The following PRKCZ variants were observed in gnomAD, a reference collection of about 807,000 sequenced individuals.
PRKCZ encodes protein kinase C zeta.
In PRKCZ, 33 loss-of-function variants were observed where a neutral mutation model predicts 79.5. The ratio of observed to expected loss-of-function variants is 0.41; its 90% CI spans 0.31 to 0.55. The LOEUF is 0.55. Among genes scored for constraint, PRKCZ ranks in the 20% least tolerant of loss-of-function variants. PRKCZ has a pLI of 0.19. For synonymous variants in PRKCZ, 342 were observed against 320.9 expected (o/e 1.07, Z -0.70); for missense variants, 578 against 813.5 (o/e 0.71, Z 3.52).
chr1:2,091,434 C>T (rs1665482414), intron 4 of PRKCZ, among the ~76,000 whole-genome samples: 1 of 152,218 alleles, frequency 6.6e-6, no homozygotes, highest in Non-Finnish European at 1.5e-5. Flanking sequence ...TCATGCTGCA[C>T]AGCCAATCTC....
upstream of PRKCZ, chr1:2,050,321 C>T (rs1184469898): frequency 2.5e-5 from 4 of 158,476 alleles, no homozygotes; most frequent in Non-Finnish European, 4.1e-5. Context: ...GTGGCGGCCC[C>T]GCCTCGCCCT....
intron 4 of PRKCZ, among the ~76,000 whole-genome samples, chr1:2,103,149 G>A (rs992884331): frequency 6.6e-6 from 1 of 152,076 alleles, no homozygotes; most frequent in African/African-American, 2.4e-5. Flanking sequence ...CACCACGCCG[G>A]GCTAGACTGT....
chr1:2,102,993 C>T (rs2102607416), intron 4 of PRKCZ, among the ~76,000 whole-genome samples: 2 of 152,276 alleles, frequency 1.3e-5, no homozygotes, highest in South Asian at 4.1e-4. Flanking sequence ...CCTCAGCCTC[C>T]CAACTAGCTG....
At chr1:2,069,727 G>C (rs1661412662) in intron 4 of PRKCZ, among the ~76,000 whole-genome samples, 1 of 152,198 alleles carries the variant, frequency 6.6e-6, no homozygotes, top group African/African-American at 2.4e-5. Context: ...GGCTCCAGGG[G>C]CTTCCTGTTT....
intron 4 of PRKCZ, chr1:2,074,022 G>A (rs1011393214): frequency 5.3e-5 from 76 of 1,433,336 alleles, no homozygotes; most frequent in Non-Finnish European, 6.6e-5. Flanking sequence ...GACGGTGCCC[G>A]AGTCAGCATT....
At chr1:2,122,153 C>CATG (rs1260087702) in intron 4 of PRKCZ, among the ~76,000 whole-genome samples, 54 of 1,092 alleles carry the variant, frequency 0.049, 6 homozygotes, top group East Asian at 0.3. Context: ...TGGTTAGGGT[C>CATG]GTGGTGGTTA....
chr1:2,175,345 A>G, intron 16 of PRKCZ, 32 bp downstream of exon 16: 4 of 1,524,342 alleles, frequency 2.6e-6, no homozygotes, highest in Non-Finnish European at 3.6e-6. Flanking sequence ...TTGCACCCCC[A>G]TCCCCATCCC....
intron 4 of PRKCZ, among the ~76,000 whole-genome samples, chr1:2,119,803 T>C (rs1367537635): frequency 6.6e-6 from 1 of 150,774 alleles, no homozygotes. Flanking sequence ...TTTTTTTTTT[T>C]GAGATGGATT....
chr1:2,078,487 T>C (rs959788999), intron 4 of PRKCZ, among the ~76,000 whole-genome samples: 2 of 152,234 alleles, frequency 1.3e-5, no homozygotes, highest in Admixed American at 6.5e-5. Flanking sequence ...GTAGAATCTT[T>C]TGTCTTCAGG....
chr1:2,113,309 T>C lies in PRKCZ; in HGVS notation c.335-21953T>C, dbSNP rs938713547. ...GCCTTCAGCAGTGATTTGTGGTGAC[T>C]GTGACGTTCTCTTCGGTGGGCTGCC... is the stretch of plus-strand genomic sequence containing the variant. On this transcript the variant is annotated intron_variant, in intron 4 of 17. Coordinates refer to ENST00000378567, the MANE Select transcript of PRKCZ (RefSeq NM_002744.6). Among the ~76,000 whole-genome samples, 4 of 152,258 alleles carry C rather than the reference T, an allele frequency of 2.6e-5. No individual in the cohort carries two copies. The South Asian group carries it at 8.3e-4, about 32-fold the overall frequency.
At chr1:2,154,080 G>A (rs898700896) in intron 9 of PRKCZ, among the ~76,000 whole-genome samples, 2 of 152,176 alleles carry the variant, frequency 1.3e-5, no homozygotes, top group African/African-American at 2.4e-5. Context: ...CAACGCCGAC[G>A]TCCCTGCGGG....
chr1:2,126,672 G>A (rs1225218097), intron 4 of PRKCZ, among the ~76,000 whole-genome samples: 1 of 152,228 alleles, frequency 6.6e-6, no homozygotes, highest in Non-Finnish European at 1.5e-5. Flanking sequence ...AGCGGCCACA[G>A]CCTGTGGTTG....
In PRKCZ at chr1:2,082,781, C is replaced by T. The variant is rs936955970; in HGVS notation, c.334+23190C>T. 6.6e-6 allele frequency among the ~76,000 whole-genome samples: 1 copy of T among 151,966 alleles called. No homozygotes were observed. The highest frequency in any genetic ancestry group is 2.4e-5 in the African/African-American group (1 of 41,364). ...CGTCCGGGGGTGGCTTTGAGGACACCTGTCCTCCTTCACAGGGGCACTCCG... is the reference window on the plus strand; with the variant it reads ...CGTCCGGGGGTGGCTTTGAGGACACTTGTCCTCCTTCACAGGGGCACTCCG... On this transcript the variant is annotated intron_variant, in intron 4 of 17. Transcript: ENST00000378567. This position sits in a 1 kb window ranked among gnomAD's most constrained non-coding sequence, Gnocchi z 4.4.
In PRKCZ at chr1:2,127,703, C is replaced by T. The variant is rs535355190; in HGVS notation, c.335-7559C>T. ...GGCGAACGGCGTCTCCCGCGGCTCCCGGTGGCTTTTTAGGACTCTGCGTTC... is the reference window on the plus strand; with the variant it reads ...GGCGAACGGCGTCTCCCGCGGCTCCTGGTGGCTTTTTAGGACTCTGCGTTC... On this transcript the variant is annotated intron_variant, in intron 4 of 17. Coordinates refer to ENST00000378567, the MANE Select transcript of PRKCZ (RefSeq NM_002744.6). This position sits in a 1 kb window ranked among gnomAD's most constrained non-coding sequence, Gnocchi z 5.1. Among the ~76,000 whole-genome samples, 5 of 152,342 alleles carry T rather than the reference C, an allele frequency of 3.3e-5. No individual in the cohort carries two copies. The highest frequency in any genetic ancestry group is 1.9e-4 in the East Asian group (1 of 5,186).
At chr1:2,051,664 G>A (rs1659671592) in intron 1 of PRKCZ, among the ~76,000 whole-genome samples, 2 of 152,160 alleles carry the variant, frequency 1.3e-5, no homozygotes, top group African/African-American at 4.8e-5. Context: ...AGGCAGGGAC[G>A]GCCGGCAGGG....
rs929332874 is a variant in PRKCZ, at chr1:2,073,074, G to A, written c.334+13483G>A. Among the ~76,000 whole-genome samples the A allele has an allele frequency of 6.6e-5, 10 of 152,258 alleles. No homozygotes were observed. In the South Asian group the frequency reaches 1.2e-3, roughly 19 times the overall value. On this transcript the variant is annotated intron_variant, in intron 4 of 17. Coordinates refer to ENST00000378567, the MANE Select transcript of PRKCZ (RefSeq NM_002744.6). Reference sequence around the variant, plus strand: ...GGTCAGGCCACCCAGCGGCGGTGGCGGCTCTGGGTCTCCCTAGGAGCCCGG... The same window carrying A: ...GGTCAGGCCACCCAGCGGCGGTGGCAGCTCTGGGTCTCCCTAGGAGCCCGG...
In PRKCZ at chr1:2,121,605, A is replaced by G. The variant is rs55645538; in HGVS notation, c.335-13657A>G. ...GGTGGTAGTTAAGGTCACAGCAGTA[A>G]TTAGGGTCATGGTGGTGGTTAGGGT... On this transcript the variant is annotated intron_variant, in intron 4 of 17. Transcript: ENST00000378567. Among the ~76,000 whole-genome samples the G allele has an allele frequency of 3.6e-3, 51 of 14,078 alleles. 4 individuals are homozygous for G. Among genetic ancestry groups the G allele is most frequent in the African/African-American group, 8.0e-3 (39 of 4,886 alleles). 9.2% of individuals were successfully genotyped at this position (14,078 alleles called of 152,430 possible). A position where few individuals can be genotyped will look rare whatever the true frequency, so the allele number is the denominator to read the frequency against.
chr1:2,052,802 C>T lies in PRKCZ; in HGVS notation c.71+2101C>T, dbSNP rs1266692938. 1.2e-4 allele frequency among the ~76,000 whole-genome samples: 19 copies of T among 152,188 alleles called. 1 individual carries two copies. Among genetic ancestry groups the T allele is most frequent in the Admixed American group, 1.2e-3 (19 of 15,286 alleles). ...GAAACTCTGTCCCTGGGGTGAGACG[C>T]TGCTGTCCGTGGGGGTAGCTGAGCG... On this transcript the variant is annotated intron_variant, in intron 1 of 17. Transcript: ENST00000378567.
At chr1:2,056,462 C>T (rs1327408728) in intron 2 of PRKCZ, 22 bp from the exon 3 acceptor site, 5 of 1,608,752 alleles carry the variant, frequency 3.1e-6, no homozygotes, top group Admixed American at 3.3e-5. Flanking sequence ...GCGACGTCAG[C>T]ACCGTCTCCT....
Sources: allele counts gnomAD v4.1 joint callset (sites outside exome capture counted in the v4.1 genomes callset), GRCh38; gene constraint gnomAD v4.1.1; non-coding constraint Gnocchi (gnomAD v3.1); transcripts MANE v1.5; gene names NCBI Gene and HGNC (gene_info 2026-07-23, HGNC 2026-07-21).